The following CAP2 variants were observed in gnomAD, a reference collection of about 807,000 sequenced individuals.
The protein encoded by CAP2 is cyclase associated actin cytoskeleton regulatory protein 2.
A neutral mutation model predicts 57.7 loss-of-function variants in CAP2; 24 were observed. The observed-to-expected ratio is 0.42, with a 90% CI of 0.30 to 0.58. The LOEUF is 0.58. Ranked by LOEUF, CAP2 falls within the 20% of genes least tolerant of loss-of-function variation. The probability of loss-of-function intolerance (pLI) is 0.22; values close to 1 mark genes in which losing one functional copy is unlikely to be tolerated. For missense variants in CAP2, 501 were observed against 590.3 expected, an observed-to-expected ratio of 0.85 and a Z score of 1.57; for synonymous variants, 194 against 207.2, an observed-to-expected ratio of 0.94 and a Z score of 0.55.
chr6:17,494,066 C>T (rs73721597), intron 4 of CAP2, among the ~76,000 whole-genome samples: 152 of 152,316 alleles, frequency 1.0e-3, no homozygotes, highest in African/African-American at 3.6e-3. Flanking sequence ...ACTACATTCA[C>T]TCTGGCCTGA....
chr6:17,453,951 C>T (rs1465419682), intron 3 of CAP2, among the ~76,000 whole-genome samples: 1 of 139,516 alleles, frequency 7.2e-6, no homozygotes, highest in African/African-American at 2.7e-5. Flanking sequence ...ATGGCGTGAT[C>T]ACGGCTCACT....
At chr6:17,526,020 A>G (rs1445407932) in intron 7 of CAP2, among the ~76,000 whole-genome samples, 1 of 152,198 alleles carries the variant, frequency 6.6e-6, no homozygotes, top group African/African-American at 2.4e-5. Flanking sequence ...CACATTTGCT[A>G]AATCCACTGT....
At chr6:17,485,620 A>T (rs1050237261) in intron 4 of CAP2, among the ~76,000 whole-genome samples, 1 of 152,236 alleles carries the variant, frequency 6.6e-6, no homozygotes. Context: ...AAAAGGATTA[A>T]TTGATAACTA....
intron 3 of CAP2, among the ~76,000 whole-genome samples, chr6:17,442,723 A>ATTT (rs34691133): frequency 1.3e-3 from 188 of 146,858 alleles, no homozygotes; most frequent in African/African-American, 4.0e-3. Context: ...CCCCATCACT[A>ATTT]TTTTTTTTTT....
At chr6:17,504,631 A>G (rs971164322) in intron 4 of CAP2, among the ~76,000 whole-genome samples, 1 of 152,194 alleles carries the variant, frequency 6.6e-6, no homozygotes, top group Non-Finnish European at 1.5e-5. Context: ...CATATGTAAA[A>G]TAGGAGAATT....
chr6:17,409,918 C>G (rs1581493935), intron 1 of CAP2, among the ~76,000 whole-genome samples: 1 of 152,164 alleles, frequency 6.6e-6, no homozygotes, highest in Non-Finnish European at 1.5e-5. Context: ...ATTCCCAACT[C>G]CCCTCCCGGC....
At chr6:17,463,158 A>C in intron 4 of CAP2, 85 bp downstream of exon 4, 2 of 908,446 alleles carry the variant, frequency 2.2e-6, no homozygotes, top group Non-Finnish European at 1.8e-6. Flanking sequence ...AGCATTTATT[A>C]TAGTCGACCT....
At chr6:17,433,720 G>C (rs73369404) in intron 3 of CAP2, among the ~76,000 whole-genome samples, 5 of 152,134 alleles carry the variant, frequency 3.3e-5, no homozygotes, top group Non-Finnish European at 7.3e-5. Context: ...CTCTGTTACC[G>C]TGTCTTCCCA....
chr6:17,540,297 A>C (rs1490382519), intron 8 of CAP2, among the ~76,000 whole-genome samples: 1 of 152,160 alleles, frequency 6.6e-6, no homozygotes, highest in Non-Finnish European at 1.5e-5. Context: ...ATATATACTC[A>C]CTGGAATGCC....
Position 17,404,656 on chromosome 6 carries a change from A to T in CAP2, c.-2+10910A>T, listed in dbSNP as rs144256359. 1.7e-3 allele frequency among the ~76,000 whole-genome samples: 259 copies of T among 151,146 alleles called. 5 individuals carry two copies. The highest frequency in any genetic ancestry group is 6.0e-3 in the African/African-American group (246 of 41,150). ...CTTGGTGGCACGCACCTGTAATCCC[A>T]GTTACTTGGGAGGCTGAGGCAGGAG... On this transcript the variant is annotated intron_variant, in intron 1 of 12. Coordinates refer to ENST00000229922, the MANE Select transcript of CAP2 (RefSeq NM_006366.3).
intron 4 of CAP2, among the ~76,000 whole-genome samples, chr6:17,489,135 A>G (rs954897604): frequency 3.5e-4 from 54 of 152,142 alleles, no homozygotes; most frequent in African/African-American, 1.3e-3. Context: ...CAGAGAAACT[A>G]CCTTTAAAGA....
At position 17,462,987 on chromosome 6, in the gene CAP2, T is replaced by C. The variant is rs1760765822; in HGVS notation, c.223-9T>C. On this transcript the variant is annotated splice_polypyrimidine_tract_variant and intron_variant, in intron 3 of 12. Coordinates refer to ENST00000229922, the MANE Select transcript of CAP2 (RefSeq NM_006366.3). The stretch of plus-strand genomic sequence containing the variant: ...ACATTGAAACTGCCATCTTCCTCTT[T>C]GTTCCCAGGCAGAAATGGTGCACAG... The C allele has an allele frequency of 6.2e-7, 1 of 1,613,300 alleles. No individual in the cohort carries two copies. Among genetic ancestry groups the C allele is most frequent in the East Asian group, 2.2e-5 (1 of 44,868 alleles).
At chr6:17,456,924 T>C (rs1760586491) in intron 3 of CAP2, among the ~76,000 whole-genome samples, 1 of 152,136 alleles carries the variant, frequency 6.6e-6, no homozygotes, top group South Asian at 2.1e-4. Context: ...AGAAATCAAC[T>C]GGGCTTCCCT....
At chr6:17,533,078 C>A (rs1445532875) in intron 7 of CAP2, among the ~76,000 whole-genome samples, 45 of 87,534 alleles carry the variant, frequency 5.1e-4, no homozygotes, top group African/African-American at 1.3e-3. Flanking sequence ...CACCCCCCAC[C>A]AAAAAAAAAA....
intron 11 of CAP2, among the ~76,000 whole-genome samples, chr6:17,549,354 T>C (rs945493079): frequency 6.6e-6 from 1 of 151,734 alleles, no homozygotes; most frequent in Non-Finnish European, 1.5e-5. Context: ...TTCCAGATAC[T>C]CAGGAGGCTG....
chr6:17,446,810 G>C (rs1057380194), intron 3 of CAP2, among the ~76,000 whole-genome samples: 7 of 152,246 alleles, frequency 4.6e-5, no homozygotes, highest in Non-Finnish European at 1.0e-4. Flanking sequence ...ACAAAGTAAA[G>C]AGAAAATGTG....
rs576103528 is a variant in CAP2, at chr6:17,518,128, G to A, written c.636+4174G>A. On this transcript the variant is annotated intron_variant, in intron 7 of 12. Transcript: ENST00000229922. ...TGGAAGAGAAAATGATAAAGTTTTG[G>A]TCAGATATTAAAAATGATTAAAAAT... Among the ~76,000 whole-genome samples, 6 of 152,060 alleles carry A rather than the reference G, an allele frequency of 3.9e-5. No individual in the cohort carries two copies. In the South Asian group the frequency reaches 1.2e-3, roughly 32 times the overall value.
At chr6:17,523,611 TAGG>T (rs1324131107) in intron 7 of CAP2, among the ~76,000 whole-genome samples, 1 of 152,080 alleles carries the variant, frequency 6.6e-6, no homozygotes, top group Non-Finnish European at 1.5e-5. Context: ...AGACAAGAGA[TAGG>T]AGAACTAGAA....
chr6:17,469,690 TG>T (rs1422035165), intron 4 of CAP2, among the ~76,000 whole-genome samples: 2 of 152,176 alleles, frequency 1.3e-5, no homozygotes, highest in African/African-American at 4.8e-5. Flanking sequence ...AGTGCCTTCC[TG>T]TGCATAAAGC....
Sources: gnomAD v4.1 joint callset for allele counts (sites outside exome capture counted in the v4.1 genomes callset) on GRCh38, gnomAD v4.1.1 for gene constraint, MANE v1.5 for transcripts, NCBI Gene and HGNC (gene_info 2026-07-23, HGNC 2026-07-21) for gene names.